Variants in CRACD observed in about 807,000 individuals in gnomAD.
CRACD encodes capping protein-inhibiting regulator of actin dynamics.
A neutral mutation model predicts 106.8 loss-of-function variants in CRACD; 56 were observed. The ratio of observed to expected loss-of-function variants is 0.52; its 90% CI spans 0.42 to 0.66. CRACD has a LOEUF of 0.66. Among genes scored for constraint, CRACD ranks in the 30% least tolerant of loss-of-function variants. The pLI, the probability that CRACD is intolerant of heterozygous loss-of-function variation, is 0.00. For synonymous variants in CRACD, 754 were observed against 670.8 expected, an observed-to-expected ratio of 1.12 and a Z score of -1.92; for missense variants, 1,730 against 1,623.2, an observed-to-expected ratio of 1.07 and a Z score of -1.13.
chr4:56,183,289 A>ATAAAATAAAATAAAATAAAATAAAAT (rs375682859), intron 2 of CRACD, among the ~76,000 whole-genome samples: 5 of 150,038 alleles, frequency 3.3e-5, no homozygotes, highest in African/African-American at 4.9e-5. Flanking sequence ...ATAAAATAAA[A>ATAAAATAAAATAAAATAAAATAAAAT]AGAATTAGGG....
chr4:56,210,029 A>G (rs1226470202), intron 2 of CRACD, among the ~76,000 whole-genome samples: 1 of 152,182 alleles, frequency 6.6e-6, no homozygotes, highest in African/African-American at 2.4e-5. Context: ...GGCAGGAAGA[A>G]GGGGTCATAA....
Position 56,328,369 on chromosome 4 carries a change from A to G in CRACD, c.*565A>G. On this transcript the variant is annotated 3_prime_UTR_variant, in exon 11 of 11. Coordinates refer to ENST00000682029, the MANE Select transcript of CRACD (RefSeq NM_001393381.1). ...CCCAACTGTGCCCATCTTAGTTTTC[A>G]TGAGTTTTCCCCACTCTGAAGCTGT... 3 of 518,942 alleles carry G rather than the reference A, an allele frequency of 5.8e-6. No individual in the cohort carries two copies. The highest frequency in any genetic ancestry group is 1.4e-5 in the South Asian group (1 of 71,574). The allele number at this position is 518,942 out of a possible 1,614,324, so 32.1% of individuals were successfully genotyped here.
At chr4:56,139,034 T>C (rs1453361913) in intron 1 of CRACD, among the ~76,000 whole-genome samples, 2 of 152,140 alleles carry the variant, frequency 1.3e-5, no homozygotes, top group African/African-American at 4.8e-5. Context: ...TGAAGAAAAA[T>C]GCTAATGAAG....
Position 56,316,156 on chromosome 4 carries a change from C to CAGCGGGG in CRACD, c.2659_2665dup (p.Ala889GlyfsTer36). On this transcript the variant is annotated frameshift_variant, in exon 8 of 11. Coordinates refer to ENST00000682029, the MANE Select transcript of CRACD (RefSeq NM_001393381.1). LOFTEE classifies it high-confidence loss of function. Reference sequence around the variant, plus strand: ...GACAGCGCGGATGCAGGGCCGCCTGCAGCGGGGAGCGCTCGTGGAGAGAAA... The same window carrying CAGCGGGG: ...GACAGCGCGGATGCAGGGCCGCCTGCAGCGGGGAGCGGGGAGCGCTCGTGGAGAGAAA... 6.2e-7 allele frequency: 1 copy of CAGCGGGG among 1,614,188 alleles called. No homozygotes were observed. Among genetic ancestry groups the CAGCGGGG allele is most frequent in the South Asian group, 1.1e-5 (1 of 91,086 alleles).
At chr4:56,322,444 A>G (rs1316410604) in intron 8 of CRACD, among the ~76,000 whole-genome samples, 1 of 152,222 alleles carries the variant, frequency 6.6e-6, no homozygotes, top group Non-Finnish European at 1.5e-5. Context: ...CATAGGTGAG[A>G]CAGTCAACCA....
At position 56,269,387 on chromosome 4, in the gene CRACD, T is replaced by TA. The variant is rs373835054; in HGVS notation, c.-188-2920dup. ...GACAGAGTGAGACCCTCTCGCAAAG[T>TA]AAAAAAAAAAAAAATTTAATTGGTC... On this transcript the variant is annotated intron_variant, in intron 2 of 10. Transcript: ENST00000682029. Among the ~76,000 whole-genome samples, 399 of 139,184 alleles carry TA rather than the reference T, an allele frequency of 2.9e-3. 1 individual carries two copies. Among genetic ancestry groups the TA allele is most frequent in the African/African-American group, 5.6e-3 (213 of 37,860 alleles). 91.3% of individuals were successfully genotyped at this position (139,184 alleles called of 152,430 possible).
intron 1 of CRACD, among the ~76,000 whole-genome samples, chr4:56,101,082 T>C (rs1733760609): frequency 6.6e-6 from 1 of 152,172 alleles, no homozygotes; most frequent in Admixed American, 6.5e-5. Flanking sequence ...GGAAAGGATC[T>C]TAGGCATCAT....
chr4:56,279,440 C>G (rs912712066), intron 3 of CRACD, among the ~76,000 whole-genome samples: 1 of 151,946 alleles, frequency 6.6e-6, no homozygotes, highest in Non-Finnish European at 1.5e-5. Context: ...TGAACTCAAA[C>G]AAATTTACAA....
rs1382190593 is a variant in CRACD at position 56,330,353 on chromosome 4, T to C, written c.*2549T>C. ...TACACAGACATTATTACTATTAAAT[T>C]ATCATTTAGCCAGTTATCTGCAAAT... On this transcript the variant is annotated 3_prime_UTR_variant, in exon 11 of 11. Coordinates refer to ENST00000682029, the MANE Select transcript of CRACD (RefSeq NM_001393381.1). Among the ~76,000 whole-genome samples, 1 of 152,212 alleles carries C rather than the reference T, an allele frequency of 6.6e-6. No homozygotes were observed. The highest frequency in any genetic ancestry group is 2.4e-5 in the African/African-American group (1 of 41,456).
At chr4:56,292,726 G>A (rs545420575) in intron 3 of CRACD, among the ~76,000 whole-genome samples, 33 of 152,110 alleles carry the variant, frequency 2.2e-4, no homozygotes, top group African/African-American at 4.6e-4. Flanking sequence ...GGGTTTCACC[G>A]TGTCAACCAG....
chr4:56,310,542 C>A, intron 5 of CRACD, 124 bp from the exon 6 acceptor site: 1 of 690,044 alleles, frequency 1.4e-6, no homozygotes, highest in East Asian at 2.6e-5. Flanking sequence ...TGCTGGCTCT[C>A]TGAGGCCAGC....
intron 1 of CRACD, among the ~76,000 whole-genome samples, chr4:56,129,715 A>G (rs1289384265): frequency 3.3e-5 from 5 of 152,222 alleles, no homozygotes; most frequent in Non-Finnish European, 5.9e-5. Flanking sequence ...ACAAAGATGG[A>G]TAAGACAGAA....
At chr4:56,076,588 A>T (rs932288454) in intron 1 of CRACD, among the ~76,000 whole-genome samples, 1 of 152,084 alleles carries the variant, frequency 6.6e-6, no homozygotes, top group African/African-American at 2.4e-5. Flanking sequence ...CCTATTCTAT[A>T]CCTGCCACTG....
At chr4:56,229,276 A>G (rs1373580642) in intron 2 of CRACD, among the ~76,000 whole-genome samples, 1 of 152,116 alleles carries the variant, frequency 6.6e-6, no homozygotes, top group African/African-American at 2.4e-5. Flanking sequence ...GCCCTTATGA[A>G]TGGGATTCAT....
At chr4:56,172,105 T>G (rs774880739) in intron 1 of CRACD, among the ~76,000 whole-genome samples, 2 of 140,944 alleles carry the variant, frequency 1.4e-5, no homozygotes, top group Non-Finnish European at 3.0e-5. Context: ...GTTCAGATCA[T>G]TCCTGCAGTA....
At chr4:56,268,782 A>T (rs1379214016) in intron 2 of CRACD, among the ~76,000 whole-genome samples, 1 of 152,186 alleles carries the variant, frequency 6.6e-6, no homozygotes. Flanking sequence ...TAAAAAATCA[A>T]CCTTTGTAAG....
At chr4:56,055,203 C>G (rs965655346) in intron 1 of CRACD, among the ~76,000 whole-genome samples, 1 of 151,836 alleles carries the variant, frequency 6.6e-6, no homozygotes, top group African/African-American at 2.4e-5. Flanking sequence ...GCTCACTGGC[C>G]TCACCCCACT....
At chr4:56,227,108 C>T (rs1158327376) in intron 2 of CRACD, among the ~76,000 whole-genome samples, 2 of 152,096 alleles carry the variant, frequency 1.3e-5, no homozygotes, top group Non-Finnish European at 2.9e-5. Context: ...TCCTTTATAG[C>T]AACACAAATG....
chr4:56,295,898 T>C (rs1426155681), intron 3 of CRACD, among the ~76,000 whole-genome samples: 3 of 152,046 alleles, frequency 2.0e-5, no homozygotes, highest in Admixed American at 6.5e-5. Flanking sequence ...GTGACATAGG[T>C]CCCAGGTTCT....
Sources: gnomAD v4.1 joint callset for allele counts (sites outside exome capture counted in the v4.1 genomes callset) on GRCh38, gnomAD v4.1.1 for gene constraint, MANE v1.5 for transcripts, NCBI Gene and HGNC (gene_info 2026-07-23, HGNC 2026-07-21) for gene names.